The following RIC3 variants were observed in gnomAD, a reference collection of about 807,000 sequenced individuals.
The protein encoded by RIC3 is RIC3 acetylcholine receptor chaperone.
RIC3 carries 28 observed loss-of-function variants against 27.3 expected under a neutral mutation model. That is an observed-to-expected ratio of 1.02 (90% confidence interval 0.76 to 1.41). RIC3 has a LOEUF of 1.41. Among genes scored for constraint, RIC3 ranks in the 40% most tolerant of loss-of-function variants. The pLI is 0.00. For synonymous variants in RIC3, 184 were observed against 160.4 expected (o/e 1.15, Z -1.11); for missense variants, 501 against 444.7 (o/e 1.13, Z -1.14).
At chr11:8,161,707 T>C (rs984902057) in intron 1 of RIC3, among the ~76,000 whole-genome samples, 1 of 152,286 alleles carries the variant, frequency 6.6e-6, no homozygotes, top group Non-Finnish European at 1.5e-5. Flanking sequence ...GATGGAGGAC[T>C]TAAAAGAAAA....
rs930122766 is a variant in RIC3 at position 8,110,392 on chromosome 11, C to T, written c.*306G>A. 7 of 445,936 alleles carry T rather than the reference C, an allele frequency of 1.6e-5. No individual in the cohort carries two copies. The highest frequency in any genetic ancestry group is 1.2e-4 in the African/African-American group (6 of 50,140). The allele number at this position is 445,936 out of a possible 1,614,324, so 27.6% of individuals were successfully genotyped here. ...CTACCAGGAAGAGTCAGACCTTTGC[C>T]CCTGAGTGGTCCCATCTGTAATTAC... On this transcript the variant is annotated 3_prime_UTR_variant, in exon 6 of 6. Transcript: ENST00000309737.
intron 1 of RIC3, among the ~76,000 whole-genome samples, chr11:8,151,415 G>A (rs1000686713): frequency 2.7e-5 from 4 of 150,510 alleles, no homozygotes; most frequent in South Asian, 2.1e-4. Flanking sequence ...GTGAAACCCC[G>A]TCTCTACTAA....
the RIC3 span, chr11:8,097,108 A>C: frequency 5.7e-5 from 66 of 1,165,740 alleles, no homozygotes; most frequent in African/African-American, 7.2e-4. Flanking sequence ...GCCAGGCCCC[A>C]ATCCCAGGAT....
the RIC3 span, chr11:8,100,762 C>G: frequency 1.3e-6 from 2 of 1,596,164 alleles, no homozygotes; most frequent in East Asian, 2.2e-5. Flanking sequence ...CGGGATAGAT[C>G]CCTTTCTGGG....
intron 5 of RIC3, among the ~76,000 whole-genome samples, chr11:8,114,001 C>T (rs1945557641): frequency 6.6e-6 from 1 of 152,160 alleles, no homozygotes; most frequent in African/African-American, 2.4e-5. Flanking sequence ...ATCCAATCAA[C>T]AGGTACACCC....
the RIC3 span, chr11:8,098,907 C>T: frequency 1.3e-6 from 2 of 1,490,822 alleles, no homozygotes; most frequent in Non-Finnish European, 1.9e-6. Context: ...CTCTGATTTC[C>T]AAGGTAGATA....
At chr11:8,132,048 T>G (rs1947802088) in intron 4 of RIC3, among the ~76,000 whole-genome samples, 1 of 152,190 alleles carries the variant, frequency 6.6e-6, no homozygotes, top group Non-Finnish European at 1.5e-5. Flanking sequence ...CAAAAATCTG[T>G]AGTCCCACAT....
chr11:8,136,151 C>T (rs10743051), intron 4 of RIC3, among the ~76,000 whole-genome samples: 73,253 of 152,000 alleles, frequency 0.48, 19,608 homozygotes, highest in African/African-American at 0.72. Context: ...GCACTGCAGA[C>T]GTTGCAGGGA....
At chr11:8,151,442 C>T (rs1372750829) in intron 1 of RIC3, among the ~76,000 whole-genome samples, 2 of 149,356 alleles carry the variant, frequency 1.3e-5, no homozygotes, top group African/African-American at 2.5e-5. Flanking sequence ...AAAAATTAGC[C>T]GGGCATGGTG....
chr11:8,152,642 G>A (rs1950339326), intron 1 of RIC3, among the ~76,000 whole-genome samples: 1 of 152,050 alleles, frequency 6.6e-6, no homozygotes, highest in African/African-American at 2.4e-5. Context: ...GATTTAAAAA[G>A]TTCTAAAATT....
rs750252989 is a variant in RIC3 at position 8,111,095 on chromosome 11, C to G, written c.713G>C (p.Cys238Ser). Residue 238 changes from cysteine (C) to serine (S), a missense_variant, in exon 6 of 6, where the codon TGT becomes TCT. Transcript: ENST00000309737. Reference sequence around the variant, plus strand: ...GATTGTTTCTTGCCTACGCTTGATACAGTCTGAAAGGTCATAAATTGGGTA... The same window carrying G: ...GATTGTTTCTTGCCTACGCTTGATAGAGTCTGAAAGGTCATAAATTGGGTA... Reference protein sequence around the residue: ...ETYPIYDLSDCIKRRQETILV... With the variant: ...ETYPIYDLSDSIKRRQETILV... 1.2e-5 allele frequency: 20 copies of G among 1,613,162 alleles called. No individual in the cohort carries two copies. The highest frequency in any genetic ancestry group is 1.6e-5 in the Non-Finnish European group (19 of 1,179,522).
intron 1 of RIC3, among the ~76,000 whole-genome samples, chr11:8,145,331 A>C (rs2134007945): frequency 6.6e-6 from 1 of 152,136 alleles, no homozygotes; most frequent in South Asian, 2.1e-4. Context: ...CTATGGGGCC[A>C]TAAGGTTTTT....
chr11:8,131,333 G>A (rs1947674471), intron 4 of RIC3, among the ~76,000 whole-genome samples: 1 of 152,170 alleles, frequency 6.6e-6, no homozygotes, highest in South Asian at 2.1e-4. Flanking sequence ...GGTCAATCAA[G>A]GATAACATCT....
intron 4 of RIC3, among the ~76,000 whole-genome samples, chr11:8,136,498 A>G (rs1948438553): frequency 6.6e-6 from 1 of 152,018 alleles, no homozygotes; most frequent in Non-Finnish European, 1.5e-5. Context: ...TTCTATATCC[A>G]CGTTTTCTTG....
At chr11:8,130,855 G>A (rs1301473400) in intron 4 of RIC3, among the ~76,000 whole-genome samples, 2 of 152,082 alleles carry the variant, frequency 1.3e-5, no homozygotes, top group Admixed American at 6.5e-5. Context: ...ACAGCAAGTG[G>A]TCAGTGTGGC....
intron 2 of RIC3, 23 bp from the exon 3 acceptor site, chr11:8,138,370 C>A: frequency 6.6e-7 from 1 of 1,515,448 alleles, no homozygotes; most frequent in Non-Finnish European, 9.2e-7. Flanking sequence ...GGAGGTATAG[C>A]ACATCAACAG....
chr11:8,131,107 TTCACTCACTCACTCAC>T (rs3060959), intron 4 of RIC3, among the ~76,000 whole-genome samples: 7 of 149,534 alleles, frequency 4.7e-5, no homozygotes, highest in South Asian at 2.1e-4. Context: ...CATTCATTCA[TTCACTCACTCACTCAC>T]TCACTCACTC....
chr11:8,101,755 C>T, downstream of RIC3: 5 of 1,427,744 alleles, frequency 3.5e-6, no homozygotes, highest in South Asian at 5.9e-5. Flanking sequence ...GCTCCCTGGC[C>T]CAGCCAGCCA....
intron 5 of RIC3, among the ~76,000 whole-genome samples, chr11:8,121,975 T>C (rs1400504473): frequency 6.6e-6 from 1 of 151,882 alleles, no homozygotes; most frequent in African/African-American, 2.4e-5. Context: ...GCACCTGGAG[T>C]CCCAGCTACT....
Sources: gnomAD v4.1 joint callset for allele counts (sites outside exome capture counted in the v4.1 genomes callset) on GRCh38, gnomAD v4.1.1 for gene constraint, MANE v1.5 for transcripts, NCBI Gene and HGNC (gene_info 2026-07-23, HGNC 2026-07-21) for gene names.